GRID2: variants seen among roughly 807,000 people sequenced by gnomAD.
GRID2 encodes glutamate receptor ionotropic, delta-2.
GRID2 carries 33 observed loss-of-function variants against 114.8 expected under a neutral mutation model. The ratio of observed to expected loss-of-function variants is 0.29; its 90% confidence interval spans 0.22 to 0.38. GRID2 has a LOEUF of 0.38. GRID2 is among the 10% of genes least tolerant of loss of function. GRID2 has a pLI of 1.00. For synonymous variants in GRID2, 505 were observed against 449.9 expected (o/e 1.12, Z -1.55); for missense variants, 1,184 against 1,257.7 (o/e 0.94, Z 0.89).
intron 2 of GRID2, among the ~76,000 whole-genome samples, chr4:93,012,520 G>A (rs1722284142): frequency 6.6e-6 from 1 of 152,078 alleles, no homozygotes; most frequent in Admixed American, 6.6e-5. Context: ...ATAGGTGGTG[G>A]TAGCTTATTG....
intron 2 of GRID2, among the ~76,000 whole-genome samples, chr4:92,882,735 A>C (rs2149459684): frequency 6.6e-6 from 1 of 152,360 alleles, no homozygotes; most frequent in African/African-American, 2.4e-5. Flanking sequence ...GCATGTGCAT[A>C]TAAAAGTTGT....
At chr4:93,776,621 A>C (rs1240180997), downstream of GRID2, among the ~76,000 whole-genome samples, 1 of 152,202 alleles carries the variant, frequency 6.6e-6, no homozygotes, top group South Asian at 2.1e-4. Flanking sequence ...AAACCAGCAC[A>C]GTCTTCTTGG....
chr4:92,316,237 C>A (rs1230062494), intron 1 of GRID2, among the ~76,000 whole-genome samples: 2 of 151,878 alleles, frequency 1.3e-5, no homozygotes, highest in African/African-American at 4.8e-5. Flanking sequence ...TTAGATATAC[C>A]AACAACTCTC....
At chr4:92,779,526 C>T (rs1162956257) in intron 2 of GRID2, among the ~76,000 whole-genome samples, 1 of 151,972 alleles carries the variant, frequency 6.6e-6, no homozygotes, top group Admixed American at 6.6e-5. Flanking sequence ...GTGAGCATTC[C>T]TAAATTTACA....
At chr4:93,629,593 G>T (rs1743062218) in intron 14 of GRID2, among the ~76,000 whole-genome samples, 1 of 151,956 alleles carries the variant, frequency 6.6e-6, no homozygotes, top group African/African-American at 2.4e-5. Context: ...GTACACTGTG[G>T]TCAGTATGTT....
chr4:92,675,817 G>C (rs1250451688), intron 2 of GRID2, among the ~76,000 whole-genome samples: 1 of 151,904 alleles, frequency 6.6e-6, no homozygotes, highest in South Asian at 2.1e-4. Context: ...GCCTCCCAAA[G>C]TGCTGGGATT....
chr4:93,704,216 T>C (rs1210483506), intron 14 of GRID2, among the ~76,000 whole-genome samples: 2 of 152,218 alleles, frequency 1.3e-5, no homozygotes, highest in Non-Finnish European at 2.9e-5. Flanking sequence ...TATCTCATTG[T>C]GGTTTTGATT....
chr4:93,733,895 G>A (rs975394385), intron 14 of GRID2, among the ~76,000 whole-genome samples: 6 of 152,046 alleles, frequency 3.9e-5, no homozygotes, highest in African/African-American at 9.7e-5. Flanking sequence ...CACAGAGCAA[G>A]CAGCAAAGCT....
At chr4:93,584,430 G>GA (rs1560779429) in intron 13 of GRID2, among the ~76,000 whole-genome samples, 1 of 151,902 alleles carries the variant, frequency 6.6e-6, no homozygotes, top group African/African-American at 2.4e-5. Flanking sequence ...TAGAGCTTTT[G>GA]AAAAAAATTT....
exon 2 of GRID2, chr4:93,808,908 C>G (rs1735081805): frequency 6.6e-6 from 1 of 152,202 alleles, no homozygotes; most frequent in Admixed American, 6.5e-5. Context: ...AAATACAAGC[C>G]TTCCCTGACT....
At chr4:93,213,903 T>A (rs1743873208) in intron 5 of GRID2, among the ~76,000 whole-genome samples, 1 of 152,086 alleles carries the variant, frequency 6.6e-6, no homozygotes, top group Non-Finnish European at 1.5e-5. Context: ...TGACTTTGAT[T>A]CTTAGTAGTT....
At chr4:92,835,390 G>A (rs956698832) in intron 2 of GRID2, among the ~76,000 whole-genome samples, 4 of 152,048 alleles carry the variant, frequency 2.6e-5, no homozygotes, top group Non-Finnish European at 5.9e-5. Flanking sequence ...TAGGTAGAGA[G>A]GCATGTAAGA....
chr4:93,663,973 C>T (rs770783270), intron 14 of GRID2, among the ~76,000 whole-genome samples: 1 of 151,990 alleles, frequency 6.6e-6, no homozygotes, highest in Non-Finnish European at 1.5e-5. Context: ...CTACAAAGGA[C>T]AATATAAGAT....
In GRID2 at chr4:93,377,285, G is replaced by A. The variant is rs140541934; in HGVS notation, c.1246-18322G>A. Among the ~76,000 whole-genome samples the A allele has an allele frequency of 7.2e-3, 1,091 of 151,970 alleles. 13 individuals carry two copies. The highest frequency in any genetic ancestry group is 0.025 in the African/African-American group (1,037 of 41,414). On this transcript the variant is annotated intron_variant, in intron 8 of 15. Transcript: ENST00000282020. ...TGAAAAGTTGAAAAAGCTTTATATT[G>A]GTATTTTAAACTTTGTAAATGTTCA... is the stretch of plus-strand genomic sequence containing the variant.
At position 93,790,919 on chromosome 4, in the gene GRID2, G is replaced by A. The variant is rs139271455; in HGVS notation, c.222-15796G>A. Reference sequence around the variant, plus strand: ...GAACGTTTCTCATCATATCTGAAAGGATTTAATGCTTTAATAGACGTAAAA... The same window carrying A: ...GAACGTTTCTCATCATATCTGAAAGAATTTAATGCTTTAATAGACGTAAAA... On this transcript the variant is annotated intron_variant, in intron 1 of 1. Coordinates refer to the GRID2 transcript ENST00000637838. Among the ~76,000 whole-genome samples the A allele has an allele frequency of 5.8e-3, 887 of 152,234 alleles. 5 individuals carry two copies. Among genetic ancestry groups the A allele is most frequent in the South Asian group, 0.012 (57 of 4,824 alleles).
chr4:93,749,774 T>C (rs1014542963), intron 14 of GRID2, among the ~76,000 whole-genome samples: 2 of 152,208 alleles, frequency 1.3e-5, no homozygotes, highest in Non-Finnish European at 2.9e-5. Flanking sequence ...CACAATGCTT[T>C]TTGCTCTCCA....
chr4:93,475,903 G>C (rs551106952), intron 11 of GRID2, among the ~76,000 whole-genome samples: 16 of 152,244 alleles, frequency 1.1e-4, no homozygotes, highest in African/African-American at 3.4e-4. Context: ...GATCACTACA[G>C]AGTGGCAGGT....
intron 2 of GRID2, among the ~76,000 whole-genome samples, chr4:92,646,427 C>G (rs1731627888): frequency 1.3e-5 from 2 of 152,200 alleles, no homozygotes; most frequent in African/African-American, 4.8e-5. Flanking sequence ...TACTGATAAA[C>G]TTTTACCTAT....
At chr4:93,575,088 G>C (rs1479921540) in intron 13 of GRID2, among the ~76,000 whole-genome samples, 1 of 152,132 alleles carries the variant, frequency 6.6e-6, no homozygotes. Flanking sequence ...TATTCCAAGA[G>C]AAACTCAAGT....
Sources: gnomAD v4.1 joint callset for allele counts (sites outside exome capture counted in the v4.1 genomes callset) on GRCh38, gnomAD v4.1.1 for gene constraint, MANE v1.5 for transcripts, NCBI Gene and HGNC (gene_info 2026-07-23, HGNC 2026-07-21) for gene names.